The following RILPL1 variants were observed in gnomAD, a reference collection of about 807,000 sequenced individuals.
The protein encoded by RILPL1 is Rab interacting lysosomal protein like 1.
RILPL1 carries 33 observed loss-of-function variants against 50.3 expected under a neutral mutation model. The observed-to-expected ratio is 0.66, with a 90% CI of 0.50 to 0.88. The LOEUF (loss-of-function observed/expected upper bound fraction) is 0.88, where lower values mean the gene tolerates loss of function less well. RILPL1 is among the 40% of genes least tolerant of loss of function. The pLI is 0.00. For synonymous variants in RILPL1, 205 were observed against 228.6 expected (o/e 0.90, Z 0.93); for missense variants, 418 against 542.5 (o/e 0.77, Z 2.28).
At chr12:123,494,197 T>C (rs1882883436) in intron 4 of RILPL1, among the ~76,000 whole-genome samples, 1 of 152,178 alleles carries the variant, frequency 6.6e-6, no homozygotes, top group South Asian at 2.1e-4. Flanking sequence ...ACTTGTCAGA[T>C]GACGAAATTG....
chr12:123,523,574 C>T lies in RILPL1; in HGVS notation c.381G>A (p.Gln127=). The T allele has an allele frequency of 6.8e-6, 11 of 1,613,972 alleles. No homozygotes were observed. Among genetic ancestry groups the T allele is most frequent in the Non-Finnish European group, 8.5e-6 (10 of 1,179,830 alleles). ...QDLLSQIAQL[Q]EENKQLMTNL... is the part of the protein sequence containing the mutation. ...TGGTCATGAGCTGCTTGTTCTCCTC[C>T]TGCAGCTGGGCGATCTGGGAGAGGA... Residue 127 remains glutamine (Q), a synonymous_variant, in exon 2 of 7, where the codon CAG becomes CAA. Transcript: ENST00000376874.
At chr12:123,526,340 A>G (rs1307791157) in intron 1 of RILPL1, among the ~76,000 whole-genome samples, 1 of 152,108 alleles carries the variant, frequency 6.6e-6, no homozygotes, top group African/African-American at 2.4e-5. Context: ...AATAAAAAAT[A>G]AAATAAAATA....
chr12:123,513,726 G>A (rs1884527421), intron 2 of RILPL1: 1 of 152,258 alleles, frequency 6.6e-6, no homozygotes, highest in Admixed American at 6.5e-5. Flanking sequence ...GAGTGCTTTG[G>A]AAAACTAAGA....
intron 2 of RILPL1, chr12:123,513,348 A>G: frequency 5.0e-6 from 2 of 396,840 alleles, no homozygotes; most frequent in Admixed American, 2.7e-5. Context: ...GGGCGCCAGG[A>G]CCCACTCACT....
At chr12:123,529,396 A>C (rs966098155) in intron 1 of RILPL1, among the ~76,000 whole-genome samples, 1 of 151,978 alleles carries the variant, frequency 6.6e-6, no homozygotes, top group Non-Finnish European at 1.5e-5. Context: ...GGTTCAAGCG[A>C]TTCTCCTGCC....
At chr12:123,503,078 A>G (rs1202563696) in intron 2 of RILPL1, among the ~76,000 whole-genome samples, 3 of 149,644 alleles carry the variant, frequency 2.0e-5, no homozygotes, top group African/African-American at 7.4e-5. Context: ...TAGGAGAGTC[A>G]GGTTTCACCA....
chr12:123,494,120 T>C (rs1882876410), intron 4 of RILPL1, among the ~76,000 whole-genome samples: 1 of 152,134 alleles, frequency 6.6e-6, no homozygotes, highest in Non-Finnish European at 1.5e-5. Flanking sequence ...AGCCCTCCCC[T>C]GATCTTATAC....
intron 2 of RILPL1, among the ~76,000 whole-genome samples, chr12:123,510,503 AGTGTGTGAGGTCTGTGTATGGT>A (rs2139358963): frequency 2.3e-5 from 2 of 86,708 alleles, no homozygotes; most frequent in South Asian, 3.4e-4. Context: ...GTGTGTGTGT[AGTGTGTGAGGTCTGTGTATGGT>A]GTGTGTGAGG....
chr12:123,530,587 C>T (rs1566149309), intron 1 of RILPL1, among the ~76,000 whole-genome samples: 1 of 152,320 alleles, frequency 6.6e-6, no homozygotes, highest in East Asian at 1.9e-4. Flanking sequence ...TACTGTCTTC[C>T]CAGTGCCCAG....
At chr12:123,474,359 T>TC (rs536199404) in intron 6 of RILPL1, 2 of 152,236 alleles carry the variant, frequency 1.3e-5, no homozygotes, top group Non-Finnish European at 2.9e-5. Context: ...CAAGTTCTAC[T>TC]CTTTTTTTTT....
intron 6 of RILPL1, chr12:123,474,435 A>G (rs1881451132): frequency 6.6e-6 from 1 of 151,930 alleles, no homozygotes; most frequent in Non-Finnish European, 1.5e-5. Context: ...CACTGCAACC[A>G]TTGCCTCCCA....
intron 2 of RILPL1, among the ~76,000 whole-genome samples, chr12:123,521,494 G>C (rs1358838806): frequency 6.8e-6 from 1 of 147,292 alleles, no homozygotes; most frequent in Admixed American, 6.8e-5. Flanking sequence ...GTCCTTTTCA[G>C]TGCCATATAT....
intron 2 of RILPL1, among the ~76,000 whole-genome samples, chr12:123,504,459 G>T (rs767954872): frequency 2.6e-5 from 4 of 152,124 alleles, no homozygotes; most frequent in Non-Finnish European, 5.9e-5. Context: ...ACAAAGCCAG[G>T]TAAGGCCTGG....
intron 4 of RILPL1, among the ~76,000 whole-genome samples, chr12:123,486,129 C>T (rs770425748): frequency 4.6e-5 from 7 of 152,200 alleles, no homozygotes; most frequent in Non-Finnish European, 8.8e-5. Flanking sequence ...CCCCCACCCT[C>T]GTACATCTGC....
chr12:123,475,889 C>T (rs1881556868), intron 6 of RILPL1: 1 of 528,550 alleles, frequency 1.9e-6, no homozygotes, highest in Non-Finnish European at 3.3e-6. Context: ...CCTCTAAATT[C>T]ACTTAAAATT....
intron 4 of RILPL1, among the ~76,000 whole-genome samples, chr12:123,493,276 G>C (rs1047895951): frequency 3.3e-5 from 5 of 152,184 alleles, no homozygotes; most frequent in African/African-American, 1.2e-4. Context: ...CACAGCACTT[G>C]ATTCTTTACC....
intron 4 of RILPL1, among the ~76,000 whole-genome samples, chr12:123,492,733 ATTC>A (rs1239751693): frequency 6.6e-6 from 1 of 152,162 alleles, no homozygotes; most frequent in Admixed American, 6.5e-5. Flanking sequence ...ACTAAGAAAA[ATTC>A]TTCTGCCTTG....
chr12:123,511,552 CTGTG>C lies in RILPL1; in HGVS notation c.460+11939_460+11942del, dbSNP rs1283235993. On this transcript the variant is annotated intron_variant, in intron 2 of 6. Transcript: ENST00000376874. ...GGTGTGTGTGAGGTCTGTGTGAGGT[CTGTG>C]TGTGTGGTATGTGTGAGGTCTGTGG... Among the ~76,000 whole-genome samples the C allele has an allele frequency of 1.4e-3, 120 of 84,350 alleles. 2 individuals carry two copies. The highest frequency in any genetic ancestry group is 5.2e-3 in the African/African-American group (109 of 21,122). The allele number at this position is 84,350 out of a possible 152,430, so 55.3% of individuals were successfully genotyped here.
Position 123,472,429 on chromosome 12 carries a change from G to T in RILPL1, c.*109C>A. ...AGTCTGTTTGAGGGGTCAGTTTTCA[G>T]GGTGCATCTGCACCGAGAGGCTTGA... is the stretch of plus-strand genomic sequence containing the variant. On this transcript the variant is annotated 3_prime_UTR_variant, in exon 7 of 7. Coordinates refer to ENST00000376874, the MANE Select transcript of RILPL1 (RefSeq NM_178314.5). 1 of 1,203,070 alleles carries T rather than the reference G, an allele frequency of 8.3e-7. No homozygotes were observed. The highest frequency in any genetic ancestry group is 1.2e-6 in the Non-Finnish European group (1 of 861,354). 74.5% of individuals were successfully genotyped at this position (1,203,070 alleles called of 1,614,324 possible). A position where few individuals can be genotyped will look rare whatever the true frequency, so the allele number is the denominator to read the frequency against.
Sources: allele counts gnomAD v4.1 joint callset (sites outside exome capture counted in the v4.1 genomes callset), GRCh38; gene constraint gnomAD v4.1.1; transcripts MANE v1.5; gene names NCBI Gene and HGNC (gene_info 2026-07-23, HGNC 2026-07-21).